Variants in TUSC3 observed in about 807,000 individuals in gnomAD.
TUSC3 encodes the protein tumor suppressor candidate 3.
In TUSC3, 45 loss-of-function variants were observed where a neutral mutation model predicts 44.8. The observed-to-expected ratio is 1.00, with a 90% CI of 0.79 to 1.29. The LOEUF is 1.29. Ranked by LOEUF, TUSC3 falls within the 50% of genes most tolerant of loss-of-function variation. The pLI is 0.00. For synonymous variants in TUSC3, 212 were observed against 152.9 expected, an observed-to-expected ratio of 1.39 and a Z score of -2.85; for missense variants, 519 against 437.9, an observed-to-expected ratio of 1.19 and a Z score of -1.65.
At chr8:15,459,427 A>G (rs548319765) in intron 1 of TUSC3, among the ~76,000 whole-genome samples, 7 of 152,270 alleles carry the variant, frequency 4.6e-5, no homozygotes, top group African/African-American at 1.7e-4. Context: ...AAATAAAGCA[A>G]TAATTAGAAA....
intron 6 of TUSC3, among the ~76,000 whole-genome samples, chr8:15,677,620 G>T (rs74964372): frequency 0.019 from 2,879 of 152,288 alleles, 89 homozygotes; most frequent in African/African-American, 0.065. Flanking sequence ...TAAATACAGG[G>T]CTGAGAATGG....
chr8:15,642,747 A>G (rs1377229552), intron 2 of TUSC3, among the ~76,000 whole-genome samples: 4 of 152,134 alleles, frequency 2.6e-5, no homozygotes, highest in Admixed American at 6.6e-5. Context: ...GTTCCTGGGC[A>G]TGTTATCATA....
chr8:15,423,969 G>GTTTTTGTTTTTT (rs1563247134), intron 1 of TUSC3, among the ~76,000 whole-genome samples: 4 of 70,362 alleles, frequency 5.7e-5, no homozygotes, highest in East Asian at 5.5e-4. Flanking sequence ...GTTTTGCTTT[G>GTTTTTGTTTTTT]TTTTTTTTTT....
chr8:15,625,347 T>A (rs1027374725), intron 2 of TUSC3, among the ~76,000 whole-genome samples: 2 of 152,210 alleles, frequency 1.3e-5, no homozygotes, highest in African/African-American at 4.8e-5. Flanking sequence ...AGGGTAATAT[T>A]GTACTCATAA....
chr8:15,756,215 G>A (rs1811922416), intron 9 of TUSC3, among the ~76,000 whole-genome samples: 1 of 152,060 alleles, frequency 6.6e-6, no homozygotes, highest in Admixed American at 6.6e-5. Context: ...TAACTTTGGG[G>A]CTTAAAGTTA....
At chr8:15,503,095 C>A (rs959577508) in intron 2 of TUSC3, among the ~76,000 whole-genome samples, 8 of 152,034 alleles carry the variant, frequency 5.3e-5, no homozygotes, top group Non-Finnish European at 1.0e-4. Context: ...GTCTTAAATC[C>A]CCAGAACCTC....
chr8:15,457,717 A>G (rs1050575537), intron 1 of TUSC3, among the ~76,000 whole-genome samples: 3 of 149,002 alleles, frequency 2.0e-5, no homozygotes, highest in African/African-American at 7.3e-5. Flanking sequence ...GATAAATAAT[A>G]ATCTAATAAA....
At chr8:15,476,351 T>C (rs948295344) in intron 1 of TUSC3, among the ~76,000 whole-genome samples, 2 of 152,328 alleles carry the variant, frequency 1.3e-5, no homozygotes, top group African/African-American at 4.8e-5. Context: ...ATCCTTTTTG[T>C]ATAGTTCAGA....
At chr8:15,533,394 A>T (rs1801477293) in intron 2 of TUSC3, among the ~76,000 whole-genome samples, 1 of 152,164 alleles carries the variant, frequency 6.6e-6, no homozygotes, top group South Asian at 2.1e-4. Flanking sequence ...TCAGATATCC[A>T]TTTGTCTCAG....
At chr8:15,545,835 G>C (rs1245314732) in intron 1 of TUSC3, among the ~76,000 whole-genome samples, 7 of 151,650 alleles carry the variant, frequency 4.6e-5, no homozygotes, top group Non-Finnish European at 1.0e-4. Context: ...TGTGAGTGTG[G>C]TCTGTTATGC....
At chr8:15,658,611 T>C (rs1807275156) in intron 3 of TUSC3, among the ~76,000 whole-genome samples, 1 of 148,766 alleles carries the variant, frequency 6.7e-6, no homozygotes, top group African/African-American at 2.5e-5. Context: ...CAACAGAAAT[T>C]TAATTCGTGT....
chr8:15,643,581 G>A (rs2129172653), intron 2 of TUSC3, among the ~76,000 whole-genome samples: 1 of 152,212 alleles, frequency 6.6e-6, no homozygotes, highest in Non-Finnish European at 1.5e-5. Flanking sequence ...ATCTACTTAG[G>A]TCTGATGAAG....
intron 1 of TUSC3, among the ~76,000 whole-genome samples, chr8:15,442,895 G>C (rs972398590): frequency 1.3e-5 from 2 of 152,056 alleles, no homozygotes; most frequent in African/African-American, 4.8e-5. Flanking sequence ...CTTCATATCT[G>C]ATCAAGTTTC....
At chr8:15,502,097 G>A (rs1223701855) in intron 2 of TUSC3, among the ~76,000 whole-genome samples, 1 of 152,014 alleles carries the variant, frequency 6.6e-6, no homozygotes, top group Non-Finnish European at 1.5e-5. Context: ...ATATACTTAT[G>A]CTATAACTTT....
chr8:15,486,948 T>C (rs1288646802), intron 2 of TUSC3, among the ~76,000 whole-genome samples: 2 of 152,224 alleles, frequency 1.3e-5, no homozygotes, highest in African/African-American at 4.8e-5. Flanking sequence ...CTTTTTAATA[T>C]AACCGTTAGT....
chr8:15,475,635 TGG>T (rs924537754), intron 1 of TUSC3, among the ~76,000 whole-genome samples: 2 of 152,196 alleles, frequency 1.3e-5, no homozygotes, highest in Non-Finnish European at 2.9e-5. Context: ...TAGAATAGTT[TGG>T]GATATATGCC....
chr8:15,554,705 C>T (rs535721911), intron 1 of TUSC3, among the ~76,000 whole-genome samples: 15 of 149,174 alleles, frequency 1.0e-4, no homozygotes, highest in African/African-American at 3.4e-4. Flanking sequence ...CAGGTTCACA[C>T]CATTCTCCTG....
rs552387736 is a variant in TUSC3, at chr8:15,712,151, A to G, written c.799-18515A>G. ...TTACAAGTATTGTAAAATATTTCAA[A>G]TAAGTAATAGCTTATTTGAAAAATA... On this transcript the variant is annotated intron_variant, in intron 6 of 10. Transcript: ENST00000503731. Among the ~76,000 whole-genome samples, 14 of 152,102 alleles carry G rather than the reference A, an allele frequency of 9.2e-5. No individual in the cohort carries two copies. In the East Asian group the frequency reaches 2.3e-3, roughly 25 times the overall value.
intron 1 of TUSC3, among the ~76,000 whole-genome samples, chr8:15,596,459 C>G (rs957890382): frequency 6.6e-6 from 1 of 152,068 alleles, no homozygotes; most frequent in Non-Finnish European, 1.5e-5. Context: ...GCCAACTTTT[C>G]TTATATGCAT....
Sources: allele counts gnomAD v4.1 joint callset (sites outside exome capture counted in the v4.1 genomes callset), GRCh38; gene constraint gnomAD v4.1.1; transcripts MANE v1.5; gene names NCBI Gene and HGNC (gene_info 2026-07-23, HGNC 2026-07-21).